The following CALML4 variants were observed in gnomAD, a reference collection of about 807,000 sequenced individuals.
CALML4 encodes calmodulin like 4, also known as calmodulin-like protein 4.
Under a neutral mutation model 17.9 loss-of-function variants are expected in CALML4, and 16 were observed. The observed-to-expected ratio is 0.89, with a 90% CI of 0.61 to 1.36. The LOEUF is 1.36. Among genes scored for constraint, CALML4 ranks in the 40% most tolerant of loss-of-function variants. The probability of loss-of-function intolerance (pLI) is 0.00; values close to 1 mark genes in which losing one functional copy is unlikely to be tolerated. For synonymous variants in CALML4, 86 were observed against 71.5 expected (o/e 1.20, Z -1.02); for missense variants, 203 against 194.8 (o/e 1.04, Z -0.25).
intron 2 of CALML4, among the ~76,000 whole-genome samples, chr15:68,203,713 G>A (rs2093172960): frequency 6.6e-6 from 1 of 152,150 alleles, no homozygotes. Context: ...AGCCTGGTAA[G>A]GTGGCATATC....
At position 68,192,833 on chromosome 15, in the gene CALML4, A is replaced by G. The variant is rs1173736001; in HGVS notation, c.*1182T>C. 6.6e-6 allele frequency: 1 copy of G among 152,206 alleles called. No individual in the cohort carries two copies. Among genetic ancestry groups the G allele is most frequent in the East Asian group, 1.9e-4 (1 of 5,198 alleles). 9.4% of individuals were successfully genotyped at this position (152,206 alleles called of 1,614,324 possible). ...ACTTTTGATACATACATGGATGCAA[A>G]TCTTTGTACTTGAAGCCCTGCACCC... is the stretch of plus-strand genomic sequence containing the variant. On this transcript the variant is annotated 3_prime_UTR_variant, in exon 5 of 5. Coordinates refer to ENST00000467889, the MANE Select transcript of CALML4 (RefSeq NM_033429.3).
At chr15:68,194,402 T>TTA (rs774808743) in intron 4 of CALML4, among the ~76,000 whole-genome samples, 4 of 137,790 alleles carry the variant, frequency 2.9e-5, no homozygotes, top group African/African-American at 1.1e-4. Context: ...TTTTTTTTTT[T>TTA]AAAACAGTTT....
chr15:68,196,089 C>T (rs1443195888), intron 4 of CALML4, among the ~76,000 whole-genome samples: 5 of 152,202 alleles, frequency 3.3e-5, no homozygotes, highest in Non-Finnish European at 7.3e-5. Context: ...CATTCTGTCA[C>T]CCAAGCTGGA....
chr15:68,199,514 C>A, intron 3 of CALML4, 27 bp downstream of exon 3: 1 of 1,596,004 alleles, frequency 6.3e-7, no homozygotes, highest in Non-Finnish European at 8.6e-7. Flanking sequence ...CCCCTCCCCT[C>A]TCCCCGTTGT....
chr15:68,205,435 C>A, upstream of CALML4: 1 of 1,604,038 alleles, frequency 6.2e-7, no homozygotes, highest in East Asian at 2.2e-5. The surrounding 1 kb of genome is among the most constrained non-coding windows in gnomAD (Gnocchi z 4.8). Flanking sequence ...CAGCTCATGA[C>A]CCGCCACCTG....
chr15:68,194,624 G>T (rs2093135188), intron 4 of CALML4, among the ~76,000 whole-genome samples: 1 of 151,898 alleles, frequency 6.6e-6, no homozygotes, highest in Non-Finnish European at 1.5e-5. Flanking sequence ...CCTCAGGTGA[G>T]CCATCCACCT....
intron 4 of CALML4, 140 bp from the exon 5 acceptor site, chr15:68,194,252 G>A: frequency 3.2e-6 from 2 of 633,472 alleles, no homozygotes; most frequent in Non-Finnish European, 5.6e-6. Flanking sequence ...AAGTAAACCA[G>A]TGAACAGAAA....
rs1373087384 is a variant in CALML4 at position 68,204,466 on chromosome 15, G to A, written c.34+655C>T. On this transcript the variant is annotated intron_variant, in intron 2 of 4. Transcript: ENST00000467889. The surrounding 1 kb of genome is among the most constrained non-coding windows in gnomAD (Gnocchi z 6.0). ...CTGGGCCTCTCCTGCCAGGTGCAGG[G>A]GGGCTGCAGCCATGAGGCTCCCCTG... 6.6e-6 allele frequency among the ~76,000 whole-genome samples: 1 copy of A among 152,194 alleles called. No individual in the cohort carries two copies. The highest frequency in any genetic ancestry group is 1.5e-5 in the Non-Finnish European group (1 of 68,042).
chr15:68,205,269 C>T lies in CALML4; in HGVS notation c.-22G>A, dbSNP rs146636915. The T allele has an allele frequency of 2.7e-4, 434 of 1,614,090 alleles. No homozygotes were observed. The African/African-American group carries it at 4.9e-3, about 18-fold the overall frequency. On this transcript the variant is annotated 5_prime_UTR_variant, in exon 1 of 5. Transcript: ENST00000467889. The surrounding 1 kb of genome is among the most constrained non-coding windows in gnomAD (Gnocchi z 4.8). ...CCATTCTGGGGCCTCGGCTGCTACCCGTGGGCTTGCTGCTCCCAGAACCGC... is the reference window on the plus strand; with the variant it reads ...CCATTCTGGGGCCTCGGCTGCTACCTGTGGGCTTGCTGCTCCCAGAACCGC...
Position 68,190,928 on chromosome 15 carries a change from A to G in CALML4, c.*3087T>C, listed in dbSNP as rs569080507. 13 of 152,310 alleles carry G rather than the reference A, an allele frequency of 8.5e-5. No homozygotes were observed. The highest frequency in any genetic ancestry group is 2.9e-4 in the African/African-American group (12 of 41,578). 9.4% of individuals were successfully genotyped at this position (152,310 alleles called of 1,614,324 possible). A position where few individuals can be genotyped will look rare whatever the true frequency, so the allele number is the denominator to read the frequency against. Reference sequence around the variant, plus strand: ...CTTTGGCAGATTTTCCTTTGAGTCAAGTGTCTGAAATGGAGTGAAAATATA... The same window carrying G: ...CTTTGGCAGATTTTCCTTTGAGTCAGGTGTCTGAAATGGAGTGAAAATATA... On this transcript the variant is annotated 3_prime_UTR_variant, in exon 5 of 5. Transcript: ENST00000467889. This position sits in a 1 kb window ranked among gnomAD's most constrained non-coding sequence, Gnocchi z 4.7.
chr15:68,205,601 C>T (rs1023061847), upstream of CALML4: 4 of 566,990 alleles, frequency 7.1e-6, no homozygotes, highest in Non-Finnish European at 9.4e-6. The surrounding 1 kb of genome is among the most constrained non-coding windows in gnomAD (Gnocchi z 4.8). Flanking sequence ...TCCTGGGACT[C>T]GGCGGGGATG....
In CALML4 at chr15:68,191,648, T is replaced by G. The variant is rs1482871929; in HGVS notation, c.*2367A>C. ...TGAATATAGCCATCATTTCCCTTTC[T>G]TGTTGAAATATGGCTAACTCTTTAA... is the stretch of plus-strand genomic sequence containing the variant. On this transcript the variant is annotated 3_prime_UTR_variant, in exon 5 of 5. Transcript: ENST00000467889. 6.5e-6 allele frequency: 1 copy of G among 152,672 alleles called. No homozygotes were observed. Among genetic ancestry groups the G allele is most frequent in the Non-Finnish European group, 1.5e-5 (1 of 68,048 alleles). 9.5% of individuals were successfully genotyped at this position (152,672 alleles called of 1,614,324 possible).
intron 2 of CALML4, among the ~76,000 whole-genome samples, chr15:68,201,915 T>C (rs969022698): frequency 2.6e-5 from 4 of 152,218 alleles, no homozygotes; most frequent in Non-Finnish European, 5.9e-5. Flanking sequence ...CTTTTTCTCC[T>C]GACAGGTCGG....
rs972852523 is a variant in CALML4 at position 68,200,025 on chromosome 15, T to TTCCTTC, written c.35-350_35-345dup. ...CTTCCCTTTCTCCCTACTCCCTCCC[T>TTCCTTC]TCCTTCTCCCTCCCCCTCCCCGCCA... On this transcript the variant is annotated intron_variant, in intron 2 of 4. Transcript: ENST00000467889. The surrounding 1 kb of genome is among the most constrained non-coding windows in gnomAD (Gnocchi z 4.3). 3 of 165,486 alleles carry TTCCTTC rather than the reference T, an allele frequency of 1.8e-5. No homozygotes were observed. The highest frequency in any genetic ancestry group is 7.2e-5 in the African/African-American group (3 of 41,728). The allele number at this position is 165,486 out of a possible 1,614,324, so 10.3% of individuals were successfully genotyped here. A position where few individuals can be genotyped will look rare whatever the true frequency, so the allele number is the denominator to read the frequency against.
chr15:68,205,656 T>C, upstream of CALML4: 1 of 429,062 alleles, frequency 2.3e-6, no homozygotes, highest in South Asian at 2.3e-5. The surrounding 1 kb of genome is among the most constrained non-coding windows in gnomAD (Gnocchi z 4.8). Flanking sequence ...CCCCGGGTCG[T>C]ATTGAAGGCT....
In CALML4 at chr15:68,199,551, G is replaced by A. The variant is rs2141127206; in HGVS notation, c.165C>T (p.Thr55=). The A allele has an allele frequency of 6.2e-7, 1 of 1,613,338 alleles. No homozygotes were observed. Among genetic ancestry groups the A allele is most frequent in the East Asian group, 2.2e-5 (1 of 44,794 alleles). ...TPGEVQRHLQ[T]HGIDGNGELD... ...CCCACCACCACTCACCTATCCCGTG[G>A]GTCTGCAGGTGCCGCTGCACCTCCC... is the stretch of plus-strand genomic sequence containing the variant. The change falls in exon 3 of 5, where the codon ACC becomes ACT. Residue 55 remains threonine, a synonymous_variant. Transcript: ENST00000467889.
At chr15:68,205,341 G>A (rs772146700), upstream of CALML4, 17 of 1,614,100 alleles carry the variant, frequency 1.1e-5, no homozygotes, top group Non-Finnish European at 1.4e-5. The surrounding 1 kb of genome is among the most constrained non-coding windows in gnomAD (Gnocchi z 4.8). Flanking sequence ...CTGCCAAGCT[G>A]GGTGGAGGCC....
Position 68,193,200 on chromosome 15 carries a change from A to G in CALML4, c.*815T>C, listed in dbSNP as rs1243513596. 6.6e-6 allele frequency: 1 copy of G among 152,350 alleles called. No homozygotes were observed. The highest frequency in any genetic ancestry group is 2.4e-5 in the African/African-American group (1 of 41,466). The allele number at this position is 152,350 out of a possible 1,614,324, so 9.4% of individuals were successfully genotyped here. On this transcript the variant is annotated 3_prime_UTR_variant, in exon 5 of 5. Coordinates refer to ENST00000467889, the MANE Select transcript of CALML4 (RefSeq NM_033429.3). ...TGCCTGTTAACAGAGCCCAGGGAAC[A>G]GCTCGGAATTCTCACAGCATTGGAA...
At chr15:68,199,862 C>T (rs1345037841) in intron 2 of CALML4, 181 bp from the exon 3 acceptor site, 10 of 541,168 alleles carry the variant, frequency 1.8e-5, no homozygotes, top group Middle Eastern at 4.6e-4. Context: ...CAAGTTAAAC[C>T]GAATTCAGAT....
Sources: gnomAD v4.1 joint callset for allele counts (sites outside exome capture counted in the v4.1 genomes callset) on GRCh38, gnomAD v4.1.1 for gene constraint, Gnocchi (gnomAD v3.1) non-coding constraint, MANE v1.5 for transcripts, NCBI Gene and HGNC (gene_info 2026-07-23, HGNC 2026-07-21) for gene names.